MAGI2: variants seen among roughly 807,000 people sequenced by gnomAD.
The protein encoded by MAGI2 is membrane-associated guanylate kinase, WW and PDZ domain-containing protein 2.
MAGI2 carries 35 observed loss-of-function variants against 133.3 expected under a neutral mutation model. The ratio of observed to expected loss-of-function variants is 0.26; its 90% CI spans 0.20 to 0.35. The LOEUF is 0.35. Ranked by LOEUF, MAGI2 falls within the 10% of genes least tolerant of loss-of-function variation. MAGI2 has a pLI of 1.00. For synonymous variants in MAGI2, 729 were observed against 710.6 expected (o/e 1.03, Z -0.41); for missense variants, 1,636 against 1,863.4 (o/e 0.88, Z 2.25).
rs773614748 is a variant in MAGI2 at position 78,608,652 on chromosome 7, C to T, written c.538+18468G>A. The stretch of plus-strand genomic sequence containing the variant: ...AGTTACAATTTAGTCCCTGGTATGC[C>T]TATGTTGATTTATGTAATAAAATGC... On this transcript the variant is annotated intron_variant, in intron 3 of 21. Coordinates refer to ENST00000354212, the MANE Select transcript of MAGI2 (RefSeq NM_012301.4). Among the ~76,000 whole-genome samples the T allele has an allele frequency of 1.4e-4, 22 of 151,986 alleles. No homozygotes were observed. In the South Asian group the frequency reaches 3.1e-3, roughly 22 times the overall value.
chr7:78,678,812 A>G (rs1206046401), intron 2 of MAGI2, among the ~76,000 whole-genome samples: 1 of 152,174 alleles, frequency 6.6e-6, no homozygotes, highest in African/African-American at 2.4e-5. Context: ...TAAGAATAAA[A>G]TGGCAGGGGT....
chr7:78,645,785 C>A (rs1398075393), intron 2 of MAGI2, among the ~76,000 whole-genome samples: 1 of 150,968 alleles, frequency 6.6e-6, no homozygotes, highest in East Asian at 1.9e-4. Flanking sequence ...GTTGCCCAGA[C>A]TGGAGTGCAG....
At chr7:78,080,593 G>T (rs1815848002) in intron 20 of MAGI2, among the ~76,000 whole-genome samples, 1 of 152,086 alleles carries the variant, frequency 6.6e-6, no homozygotes, top group Non-Finnish European at 1.5e-5. Flanking sequence ...TAAAATAGCA[G>T]TTCCAATGAA....
chr7:79,352,797 C>A (rs1481574225), intron 1 of MAGI2, among the ~76,000 whole-genome samples: 3 of 152,110 alleles, frequency 2.0e-5, no homozygotes, highest in Admixed American at 1.3e-4. Context: ...AGCCAGTCTG[C>A]AAAGTATAAG....
chr7:78,645,191 G>C (rs1810737285), intron 2 of MAGI2, among the ~76,000 whole-genome samples: 1 of 151,796 alleles, frequency 6.6e-6, no homozygotes, highest in Non-Finnish European at 1.5e-5. Flanking sequence ...GGAAACTCCA[G>C]AGCCAGATAG....
intron 2 of MAGI2, among the ~76,000 whole-genome samples, chr7:78,906,121 A>G (rs1425933052): frequency 6.6e-6 from 1 of 152,212 alleles, no homozygotes; most frequent in East Asian, 1.9e-4. Context: ...AGCTACTACT[A>G]ATATAGAAAT....
At chr7:78,606,355 T>G (rs1182456977) in intron 3 of MAGI2, among the ~76,000 whole-genome samples, 3 of 152,118 alleles carry the variant, frequency 2.0e-5, no homozygotes, top group African/African-American at 7.2e-5. Context: ...AGACCCTCTT[T>G]GCCCAGAGGC....
At chr7:79,274,898 A>T (rs1835126515) in intron 1 of MAGI2, among the ~76,000 whole-genome samples, 1 of 152,140 alleles carries the variant, frequency 6.6e-6, no homozygotes, top group African/African-American at 2.4e-5. Flanking sequence ...TATTATAATC[A>T]TTTTGGGGCA....
At chr7:79,416,719 C>CTCTTTTTTT (rs1563203584) in intron 1 of MAGI2, among the ~76,000 whole-genome samples, 1 of 99,270 alleles carries the variant, frequency 1.0e-5, no homozygotes, top group Non-Finnish European at 2.0e-5. Flanking sequence ...CTTTTCTTTT[C>CTCTTTTTTT]TTTTTCTTTT....
At chr7:79,176,366 C>G (rs995735667) in intron 1 of MAGI2, among the ~76,000 whole-genome samples, 1 of 152,070 alleles carries the variant, frequency 6.6e-6, no homozygotes, top group Admixed American at 6.6e-5. Context: ...AGGTCCCAAG[C>G]ATCCTGTTGA....
intron 12 of MAGI2, among the ~76,000 whole-genome samples, chr7:78,190,367 A>G (rs543347060): frequency 6.6e-6 from 1 of 152,360 alleles, no homozygotes; most frequent in Non-Finnish European, 1.5e-5. Flanking sequence ...AGTAGGTATT[A>G]CACTTTTTAT....
intron 2 of MAGI2, among the ~76,000 whole-genome samples, chr7:78,867,555 G>A (rs779108521): frequency 1.6e-4 from 22 of 138,604 alleles, no homozygotes; most frequent in Middle Eastern, 7.4e-3. Context: ...GTGGGGGGAG[G>A]GGGGAGGGAT....
chr7:79,357,535 C>A (rs1330104792), intron 1 of MAGI2, among the ~76,000 whole-genome samples: 1 of 152,084 alleles, frequency 6.6e-6, no homozygotes, highest in East Asian at 1.9e-4. Flanking sequence ...ATTTTAGATA[C>A]AAAAAATAAA....
chr7:78,830,611 T>A (rs1382290385), intron 2 of MAGI2, among the ~76,000 whole-genome samples: 1 of 152,178 alleles, frequency 6.6e-6, no homozygotes, highest in Non-Finnish European at 1.5e-5. Flanking sequence ...TGATTTTCAG[T>A]TATCTCTAAA....
chr7:78,725,722 C>T (rs566013114), intron 2 of MAGI2, among the ~76,000 whole-genome samples: 1 of 152,322 alleles, frequency 6.6e-6, no homozygotes, highest in South Asian at 2.1e-4. Context: ...CGGCGGGAAC[C>T]TGGGAGGTGG....
intron 5 of MAGI2, 79 bp from the exon 6 acceptor site, chr7:78,489,919 G>T (rs1162179556): frequency 1.9e-6 from 2 of 1,075,208 alleles, no homozygotes; most frequent in East Asian, 2.4e-5. Flanking sequence ...AAAAAGCAGG[G>T]TTAGTCCAAC....
intron 16 of MAGI2, among the ~76,000 whole-genome samples, chr7:78,158,843 A>G (rs991470686): frequency 2.6e-5 from 4 of 152,140 alleles, no homozygotes; most frequent in African/African-American, 4.8e-5. Context: ...AACCTCCCCA[A>G]ATTGCTCCTG....
intron 1 of MAGI2, among the ~76,000 whole-genome samples, chr7:79,044,583 C>T (rs970128753): frequency 2.6e-5 from 4 of 151,974 alleles, no homozygotes; most frequent in African/African-American, 9.7e-5. Context: ...ATCAATTGGG[C>T]AAGAGAAAGA....
chr7:78,048,400 A>G (rs2151101422), intron 21 of MAGI2, among the ~76,000 whole-genome samples: 1 of 152,252 alleles, frequency 6.6e-6, no homozygotes, highest in Non-Finnish European at 1.5e-5. Flanking sequence ...GACTGTCACA[A>G]TGGATGTGTC....
Sources: gnomAD v4.1 joint callset for allele counts (sites outside exome capture counted in the v4.1 genomes callset) on GRCh38, gnomAD v4.1.1 for gene constraint, MANE v1.5 for transcripts, NCBI Gene and HGNC (gene_info 2026-07-23, HGNC 2026-07-21) for gene names.